Variants in RARB observed in about 807,000 individuals in gnomAD.
The protein encoded by RARB is retinoic acid receptor beta.
Under a neutral mutation model 51.9 loss-of-function variants are expected in RARB, and 17 were observed. The observed-to-expected ratio is 0.33, with a 90% CI of 0.22 to 0.49. RARB has a LOEUF of 0.49. RARB is among the 20% of genes least tolerant of loss of function. The pLI is 0.99. For synonymous variants in RARB, 215 were observed against 195.4 expected, an observed-to-expected ratio of 1.10 and a Z score of -0.84; for missense variants, 369 against 550.8, an observed-to-expected ratio of 0.67 and a Z score of 3.30.
intron 2 of RARB, among the ~76,000 whole-genome samples, chr3:24,898,269 A>C (rs770305009): frequency 5.3e-5 from 8 of 151,892 alleles, no homozygotes; most frequent in Non-Finnish European, 1.0e-4. Context: ...TGCTTGTGAA[A>C]TAGCCTGCAA....
chr3:25,341,782 CA>C (rs1014400050), intron 5 of RARB, among the ~76,000 whole-genome samples: 35 of 152,164 alleles, frequency 2.3e-4, no homozygotes, highest in African/African-American at 8.2e-4. Flanking sequence ...CCCCCCATAA[CA>C]AAGAATTGTC....
chr3:25,539,581 C>CTTTTT (rs34726255), intron 3 of RARB, among the ~76,000 whole-genome samples: 1 of 104,000 alleles, frequency 9.6e-6, no homozygotes, highest in Non-Finnish European at 1.9e-5. Context: ...CCCTTTATTT[C>CTTTTT]TTTTTTTTTT....
At chr3:25,458,685 T>C (rs1695029824) in intron 1 of RARB, among the ~76,000 whole-genome samples, 1 of 152,180 alleles carries the variant, frequency 6.6e-6, no homozygotes, top group African/African-American at 2.4e-5. Context: ...CCCAGATACC[T>C]TGGTTCTAAC....
chr3:24,999,959 T>A (rs1489739256), intron 2 of RARB, among the ~76,000 whole-genome samples: 2 of 149,978 alleles, frequency 1.3e-5, no homozygotes, highest in East Asian at 2.0e-4. Context: ...TGCAAAAAAA[T>A]ATTTTGACTT....
intron 2 of RARB, among the ~76,000 whole-genome samples, chr3:24,953,594 A>G (rs1173416296): frequency 6.6e-6 from 1 of 152,224 alleles, no homozygotes; most frequent in Non-Finnish European, 1.5e-5. Context: ...TGCCATAGAG[A>G]TAACTGGATG....
intron 2 of RARB, among the ~76,000 whole-genome samples, chr3:24,978,307 TG>T (rs1696564723): frequency 6.6e-6 from 1 of 152,236 alleles, no homozygotes; most frequent in African/African-American, 2.4e-5. Flanking sequence ...TTCTGTTGTT[TG>T]GAATAGTTTC....
At chr3:25,374,076 A>G (rs1308742481) in intron 5 of RARB, among the ~76,000 whole-genome samples, 3 of 152,190 alleles carry the variant, frequency 2.0e-5, no homozygotes, top group Non-Finnish European at 4.4e-5. Context: ...TTGGAATCCT[A>G]CTTAACCTCC....
At chr3:25,595,276 A>G (rs1701773534) in intron 7 of RARB, among the ~76,000 whole-genome samples, 1 of 152,016 alleles carries the variant, frequency 6.6e-6, no homozygotes, top group Non-Finnish European at 1.5e-5. Flanking sequence ...CTCAGCAGCT[A>G]TCCCTGGTAC....
At chr3:25,190,642 C>G (rs1398060666) in intron 5 of RARB, among the ~76,000 whole-genome samples, 1 of 152,094 alleles carries the variant, frequency 6.6e-6, no homozygotes, top group Non-Finnish European at 1.5e-5. Flanking sequence ...TAATTCCAAT[C>G]TGTTTATGGC....
chr3:25,070,224 G>C (rs756222745), intron 3 of RARB, among the ~76,000 whole-genome samples: 2 of 152,152 alleles, frequency 1.3e-5, no homozygotes, highest in Non-Finnish European at 2.9e-5. Context: ...AGTCATATTA[G>C]ATTAGAGGCC....
chr3:25,527,817 A>G (rs1698719870), intron 3 of RARB, among the ~76,000 whole-genome samples: 1 of 152,194 alleles, frequency 6.6e-6, no homozygotes, highest in African/African-American at 2.4e-5. Flanking sequence ...TATGGATTTA[A>G]GAGAAAACAA....
intron 3 of RARB, among the ~76,000 whole-genome samples, chr3:25,545,189 C>T (rs1699570347): frequency 6.6e-6 from 1 of 152,144 alleles, no homozygotes; most frequent in Non-Finnish European, 1.5e-5. Context: ...AAGTGATCCA[C>T]CCTCCTCAGC....
At chr3:25,311,603 C>T (rs969970263) in intron 5 of RARB, among the ~76,000 whole-genome samples, 6 of 152,174 alleles carry the variant, frequency 3.9e-5, no homozygotes, top group Non-Finnish European at 8.8e-5. Flanking sequence ...GTATTCACAG[C>T]GGGGCAGCTG....
intron 5 of RARB, among the ~76,000 whole-genome samples, chr3:25,177,425 C>CA (rs1700777331): frequency 6.6e-6 from 1 of 152,166 alleles, no homozygotes; most frequent in South Asian, 2.1e-4. Context: ...AAAAAGGGAG[C>CA]AAACATGTTG....
intron 5 of RARB, among the ~76,000 whole-genome samples, chr3:25,320,563 C>T (rs1047634570): frequency 6.6e-6 from 1 of 152,140 alleles, no homozygotes; most frequent in Non-Finnish European, 1.5e-5. Context: ...CTGCCATTTT[C>T]TTGCATTTTA....
chr3:25,284,297 C>T (rs1367110424), intron 5 of RARB, among the ~76,000 whole-genome samples: 1 of 152,048 alleles, frequency 6.6e-6, no homozygotes, highest in Non-Finnish European at 1.5e-5. Context: ...TGTAAGAGAC[C>T]CTGAAGGTAA....
chr3:25,130,400 C>A (rs1377977245), intron 3 of RARB, among the ~76,000 whole-genome samples: 1 of 152,050 alleles, frequency 6.6e-6, no homozygotes, highest in Non-Finnish European at 1.5e-5. Flanking sequence ...GTGACTAACT[C>A]TGACAAATAG....
intron 2 of RARB, among the ~76,000 whole-genome samples, chr3:24,880,055 G>GT (rs1249132264): frequency 1.3e-5 from 2 of 151,906 alleles, no homozygotes; most frequent in East Asian, 3.9e-4. Flanking sequence ...TACGTTCCTG[G>GT]TTTTTGATAC....
rs183564877 is a variant in RARB, at chr3:24,967,140, C to T, written c.-379-92985C>T. On this transcript the variant is annotated intron_variant, in intron 2 of 11. Coordinates refer to the RARB transcript ENST00000383772. ...TGAAAAATCAGAAGATCTGGCAACT[C>T]TCGGCCCGTGGGCTTCCATAGTAAT... Among the ~76,000 whole-genome samples the T allele has an allele frequency of 3.8e-3, 576 of 152,216 alleles. 4 individuals are homozygous for T. Among genetic ancestry groups the T allele is most frequent in the African/African-American group, 0.013 (555 of 41,552 alleles).
Sources: allele counts gnomAD v4.1 joint callset (sites outside exome capture counted in the v4.1 genomes callset), GRCh38; gene constraint gnomAD v4.1.1; transcripts MANE v1.5; gene names NCBI Gene and HGNC (gene_info 2026-07-23, HGNC 2026-07-21).